Variants in MTOR observed in about 807,000 individuals in gnomAD.
MTOR encodes mechanistic target of rapamycin kinase, also known as serine/threonine-protein kinase mTOR.
Under a neutral mutation model 319.8 loss-of-function variants are expected in MTOR, and 70 were observed. That is an observed-to-expected ratio of 0.22 (90% CI 0.18 to 0.27). MTOR has a LOEUF of 0.27. Among genes scored for constraint, MTOR ranks in the 10% least tolerant of loss-of-function variants. The probability of loss-of-function intolerance (pLI) is 1.00; values close to 1 mark genes in which losing one functional copy is unlikely to be tolerated. For synonymous variants in MTOR, 1,183 were observed against 1,211.4 expected, an observed-to-expected ratio of 0.98 and a Z score of 0.49; for missense variants, 1,890 against 3,274.4, an observed-to-expected ratio of 0.58 and a Z score of 10.32.
chr1:11,248,363 G>A (rs1649126022), intron 6 of MTOR, among the ~76,000 whole-genome samples: 1 of 152,150 alleles, frequency 6.6e-6, no homozygotes, highest in Admixed American at 6.5e-5. Context: ...TCACCTCCCA[G>A]GACTCCTCAC....
At chr1:11,239,517 A>G (rs1647693405) in intron 11 of MTOR, among the ~76,000 whole-genome samples, 1 of 152,190 alleles carries the variant, frequency 6.6e-6, no homozygotes, top group Non-Finnish European at 1.5e-5. Flanking sequence ...CTTAAATTTC[A>G]AAAGTATCAA....
At chr1:11,236,711 A>C (rs1647269632) in intron 13 of MTOR, among the ~76,000 whole-genome samples, 1 of 151,460 alleles carries the variant, frequency 6.6e-6, no homozygotes, top group Non-Finnish European at 1.5e-5. Flanking sequence ...GGGTTTCACC[A>C]TGTTGGCCAG....
intron 28 of MTOR, among the ~76,000 whole-genome samples, chr1:11,179,064 T>TG (rs1645070286): frequency 6.6e-6 from 1 of 152,288 alleles, no homozygotes; most frequent in East Asian, 1.9e-4. Context: ...GGATGCCTCA[T>TG]GGAAGAGAAC....
At position 11,130,781 on chromosome 1, in the gene MTOR, G is replaced by T; in HGVS notation, c.5365-4C>A. ...TCACTGCCCACGCATGCCAGGCCTG[G>T]TTGGGGAGAAAGGCAAGGACAGACA... On this transcript the variant is annotated splice_region_variant and splice_polypyrimidine_tract_variant and intron_variant, in intron 38 of 57. Transcript: ENST00000361445. 1 of 1,560,730 alleles carries T rather than the reference G, an allele frequency of 6.4e-7. No individual in the cohort carries two copies. The highest frequency in any genetic ancestry group is 8.7e-7 in the Non-Finnish European group (1 of 1,151,702).
intron 47 of MTOR, among the ~76,000 whole-genome samples, chr1:11,124,242 A>G (rs1642698944): frequency 1.3e-5 from 2 of 152,168 alleles, no homozygotes; most frequent in African/African-American, 4.8e-5. Context: ...TTTCTTCTAA[A>G]GAGACAGTCT....
chr1:11,113,298 T>TA (rs1183521457), intron 53 of MTOR, among the ~76,000 whole-genome samples: 1 of 152,256 alleles, frequency 6.6e-6, no homozygotes, highest in Non-Finnish European at 1.5e-5. Flanking sequence ...CTTACTACTC[T>TA]ATATAAAGCC....
At chr1:11,213,734 C>T (rs1451614170) in intron 20 of MTOR, among the ~76,000 whole-genome samples, 168 bp from the exon 21 acceptor site, 1 of 152,166 alleles carries the variant, frequency 6.6e-6, no homozygotes, top group East Asian at 1.9e-4. Context: ...TCCTATGTTG[C>T]AGCTACACTG....
At chr1:11,260,946 C>T (rs111736418) in intron 1 of MTOR, among the ~76,000 whole-genome samples, 4,845 of 151,758 alleles carry the variant, frequency 0.032, 199 homozygotes, top group African/African-American at 0.075. Context: ...TGCAGCACCA[C>T]GCCTGGCTAA....
chr1:11,153,417 G>A (rs1644214213), intron 30 of MTOR, among the ~76,000 whole-genome samples: 1 of 152,182 alleles, frequency 6.6e-6, no homozygotes, highest in Admixed American at 6.5e-5. Context: ...TGAATGCCAG[G>A]CTGTGATATT....
chr1:11,147,000 CA>C (rs2100521126), intron 31 of MTOR, among the ~76,000 whole-genome samples: 1 of 152,284 alleles, frequency 6.6e-6, no homozygotes, highest in African/African-American at 2.4e-5. Flanking sequence ...ATCTGTCTTC[CA>C]AACACAGGAC....
chr1:11,228,596 C>G (rs1033324898), intron 19 of MTOR, 72 bp downstream of exon 19: 3 of 1,562,832 alleles, frequency 1.9e-6, no homozygotes, highest in South Asian at 2.4e-5. Context: ...AATTAAGAAG[C>G]TGAAGCACAG....
chr1:11,261,610 T>C (rs984057710), intron 1 of MTOR, among the ~76,000 whole-genome samples: 2 of 152,198 alleles, frequency 1.3e-5, no homozygotes, highest in Non-Finnish European at 2.9e-5. Flanking sequence ...TCAAAATTCT[T>C]ATTTTTGAAA....
chr1:11,129,093 C>T lies in MTOR; in HGVS notation c.5715-142G>A, dbSNP rs1479941628. 1 of 668,154 alleles carries T rather than the reference C, an allele frequency of 1.5e-6. No individual in the cohort carries two copies. Among genetic ancestry groups the T allele is most frequent in the Non-Finnish European group, 2.6e-6 (1 of 381,144 alleles). The allele number at this position is 668,154 out of a possible 1,614,324, so 41.4% of individuals were successfully genotyped here. ...AAATGTGTTTGGCCTCCCATGGGAG[C>T]AGGTGTCTGTGATGGGTGGCAGTGC... is the stretch of plus-strand genomic sequence containing the variant. On this transcript the variant is annotated intron_variant, in intron 40 of 57. Coordinates refer to ENST00000361445, the MANE Select transcript of MTOR (RefSeq NM_004958.4). This position sits in a 1 kb window ranked among gnomAD's most constrained non-coding sequence, Gnocchi z 4.7.
chr1:11,255,003 A>G (rs1650174060), intron 5 of MTOR, among the ~76,000 whole-genome samples: 1 of 152,108 alleles, frequency 6.6e-6, no homozygotes, highest in Non-Finnish European at 1.5e-5. Context: ...AGCTCAAGCA[A>G]TCCTCCTGCC....
intron 19 of MTOR, among the ~76,000 whole-genome samples, chr1:11,217,217 G>C (rs1031042448): frequency 1.5e-4 from 23 of 152,102 alleles, no homozygotes; most frequent in African/African-American, 5.6e-4. Flanking sequence ...TTAGGTGTAG[G>C]AAGAAAAAAC....
At position 11,242,193 on chromosome 1, in the gene MTOR, G is replaced by A. The variant is rs371443285; in HGVS notation, c.1413-512C>T. On this transcript the variant is annotated intron_variant, in intron 9 of 57. Coordinates refer to ENST00000361445, the MANE Select transcript of MTOR (RefSeq NM_004958.4). Reference sequence around the variant, plus strand: ...AGCCTGGCCAACATGGTGAAACCCCGCCTCTACTAAAAATACAAAAATTAG... The same window carrying A: ...AGCCTGGCCAACATGGTGAAACCCCACCTCTACTAAAAATACAAAAATTAG... 1.4e-4 allele frequency among the ~76,000 whole-genome samples: 22 copies of A among 151,822 alleles called. 1 individual carries two copies. The East Asian group carries it at 1.9e-3, about 13-fold the overall frequency.
At chr1:11,259,048 CA>C (rs1388363833) in intron 2 of MTOR, among the ~76,000 whole-genome samples, 199 bp downstream of exon 2, 4 of 152,130 alleles carry the variant, frequency 2.6e-5, no homozygotes, top group African/African-American at 9.7e-5. Context: ...AATGTGACCA[CA>C]AACAAGAAAA....
chr1:11,251,406 G>A (rs1377836768), intron 6 of MTOR, among the ~76,000 whole-genome samples: 1 of 152,074 alleles, frequency 6.6e-6, no homozygotes, highest in African/African-American at 2.4e-5. Flanking sequence ...CCTTAATCCA[G>A]GTGAGCATAC....
intron 28 of MTOR, chr1:11,193,468 A>C: frequency 4.5e-6 from 4 of 889,040 alleles, no homozygotes; most frequent in Non-Finnish European, 5.0e-6. Flanking sequence ...TGACTGCGGG[A>C]GTGCACACAT....
Sources: gnomAD v4.1 joint callset for allele counts (sites outside exome capture counted in the v4.1 genomes callset) on GRCh38, gnomAD v4.1.1 for gene constraint, Gnocchi (gnomAD v3.1) non-coding constraint, MANE v1.5 for transcripts, NCBI Gene and HGNC (gene_info 2026-07-23, HGNC 2026-07-21) for gene names.